MLKL: variants seen among roughly 807,000 people sequenced by gnomAD.
MLKL encodes mixed lineage kinase domain like pseudokinase.
MLKL carries 55 observed loss-of-function variants against 56.5 expected under a neutral mutation model. The observed-to-expected ratio is 0.97, with a 90% CI of 0.78 to 1.22. MLKL has a LOEUF of 1.22. MLKL is among the 50% of genes most tolerant of loss of function. MLKL has a pLI of 0.00. For synonymous variants in MLKL, 251 were observed against 208.3 expected (o/e 1.20, Z -1.76); for missense variants, 694 against 573.9 (o/e 1.21, Z -2.14).
intron 1 of MLKL, among the ~76,000 whole-genome samples, chr16:74,697,338 C>A (rs992481442): frequency 3.2e-4 from 48 of 152,178 alleles, no homozygotes; most frequent in African/African-American, 1.1e-3. Context: ...GAAGTGTACC[C>A]CATCCCCTAA....
chr16:74,693,841 G>T (rs549477679), intron 2 of MLKL, among the ~76,000 whole-genome samples: 65 of 152,152 alleles, frequency 4.3e-4, no homozygotes, highest in African/African-American at 1.5e-3. Context: ...CTGACCTCAT[G>T]ATCCGCCCGC....
chr16:74,675,859 G>A, intron 7 of MLKL, 95 bp from the exon 8 acceptor site: 2 of 1,315,204 alleles, frequency 1.5e-6, no homozygotes, highest in Non-Finnish European at 2.1e-6. Flanking sequence ...CCAGGGAATT[G>A]TCTTTTACCT....
At chr16:74,685,420 C>T in intron 5 of MLKL, 66 bp downstream of exon 5, 3 of 1,166,822 alleles carry the variant, frequency 2.6e-6, no homozygotes, top group South Asian at 1.3e-5. Context: ...AAATGCAACA[C>T]ATTAAAACAC....
Position 74,682,630 on chromosome 16 carries a change from C to T in MLKL, c.956+21G>A, listed in dbSNP as rs370178120. 467 of 1,612,720 alleles carry T rather than the reference C, an allele frequency of 2.9e-4. 7 individuals are homozygous for T. The South Asian group carries it at 3.9e-3, about 14-fold the overall frequency. On this transcript the variant is annotated intron_variant, in intron 6 of 10. Transcript: ENST00000308807. ...GACAGACCCATCCAACCCTTAGTGGCGCCTTTTCACCCCGTCTTACCGGTA... is the reference window on the plus strand; with the variant it reads ...GACAGACCCATCCAACCCTTAGTGGTGCCTTTTCACCCCGTCTTACCGGTA...
At chr16:74,673,665 A>ATG (rs1959380821) in intron 10 of MLKL, among the ~76,000 whole-genome samples, 1 of 152,106 alleles carries the variant, frequency 6.6e-6, no homozygotes, top group Non-Finnish European at 1.5e-5. Flanking sequence ...TGCATCGAGG[A>ATG]AATAATCCCA....
chr16:74,676,231 G>A (rs887950552), intron 7 of MLKL: 39 of 991,908 alleles, frequency 3.9e-5, no homozygotes, highest in Non-Finnish European at 4.3e-5. Context: ...CTGACTTTAT[G>A]GGGGGTCAGC....
At chr16:74,692,087 T>A (rs1960713205) in intron 3 of MLKL, among the ~76,000 whole-genome samples, 1 of 152,362 alleles carries the variant, frequency 6.6e-6, no homozygotes, top group Middle Eastern at 3.4e-3. Context: ...AAGCTTTGAT[T>A]CTATTCATAG....
At position 74,693,453 on chromosome 16, in the gene MLKL, C is replaced by CAA. The variant is rs71158538; in HGVS notation, c.461-1039_461-1038dup. 2.2e-3 allele frequency among the ~76,000 whole-genome samples: 77 copies of CAA among 35,374 alleles called. No individual in the cohort carries two copies. The Middle Eastern group carries it at 0.032, about 15-fold the overall frequency. 23.2% of individuals were successfully genotyped at this position (35,374 alleles called of 152,430 possible). A position where few individuals can be genotyped will look rare whatever the true frequency, so the allele number is the denominator to read the frequency against. On this transcript the variant is annotated intron_variant, in intron 2 of 10. Transcript: ENST00000308807. Reference sequence around the variant, plus strand: ...ACTGCACTCCAGCAAGACTCTGTCTCAAAAAAAAAAAAAAAGAAAAGAAAA... The same window carrying CAA: ...ACTGCACTCCAGCAAGACTCTGTCTCAAAAAAAAAAAAAAAAAGAAAAGAAAA...
At chr16:74,697,007 A>G (rs1360815741) in intron 1 of MLKL, among the ~76,000 whole-genome samples, 1 of 139,998 alleles carries the variant, frequency 7.1e-6, no homozygotes, top group Non-Finnish European at 1.5e-5. Context: ...ACATATATAT[A>G]ATATTACATA....
chr16:74,678,805 A>T (rs1959763549), intron 7 of MLKL, 94 bp downstream of exon 7: 1 of 884,932 alleles, frequency 1.1e-6, no homozygotes, highest in Non-Finnish European at 1.8e-6. Flanking sequence ...AAATAAACTA[A>T]GACAAGAATC....
intron 6 of MLKL, among the ~76,000 whole-genome samples, chr16:74,679,742 G>C (rs1015032329): frequency 3.3e-5 from 5 of 152,098 alleles, no homozygotes; most frequent in African/African-American, 1.2e-4. Context: ...TTGCACCCAG[G>C]AGGTGGAGTT....
In MLKL at chr16:74,679,066, T is replaced by C. The variant is rs1486638194; in HGVS notation, c.957-86A>G. Reference sequence around the variant, plus strand: ...ACAATCATAACTGGGCTGATGAGGCTGGACAGTACCATGGGTGCCTGTCCA... The same window carrying C: ...ACAATCATAACTGGGCTGATGAGGCCGGACAGTACCATGGGTGCCTGTCCA... On this transcript the variant is annotated intron_variant, in intron 6 of 10. Transcript: ENST00000308807. The C allele has an allele frequency of 7.5e-6, 8 of 1,061,230 alleles. No homozygotes were observed. In the East Asian group the frequency reaches 1.9e-4, roughly 25 times the overall value. The allele number at this position is 1,061,230 out of a possible 1,614,324, so 65.7% of individuals were successfully genotyped here.
rs755182311 is a variant in MLKL, at chr16:74,692,428, A to T, written c.461-12T>A. The T allele has an allele frequency of 5.6e-6, 9 of 1,608,678 alleles. No homozygotes were observed. Among genetic ancestry groups the T allele is most frequent in the Non-Finnish European group, 7.6e-6 (9 of 1,176,556 alleles). On this transcript the variant is annotated splice_polypyrimidine_tract_variant and intron_variant, in intron 2 of 10. Transcript: ENST00000308807. ...TATTTTTTCATTATCTGCAGGAAAA[A>T]AGGGCAGTATATGCTCAAAATAGAT... is the stretch of plus-strand genomic sequence containing the variant.
chr16:74,680,311 T>C (rs745751458), intron 6 of MLKL, among the ~76,000 whole-genome samples: 1 of 152,130 alleles, frequency 6.6e-6, no homozygotes. Context: ...CTCACTAGTT[T>C]AGGGAGTTGA....
intron 6 of MLKL, among the ~76,000 whole-genome samples, chr16:74,682,097 A>T (rs571989661): frequency 3.5e-5 from 5 of 141,212 alleles, no homozygotes; most frequent in South Asian, 2.1e-4. Context: ...AATATATATA[A>T]AAAAAAAACT....
In MLKL at chr16:74,695,652, G is replaced by T. The variant is rs749125563; in HGVS notation, c.106C>A (p.Leu36Ile). 3.1e-6 allele frequency: 5 copies of T among 1,614,164 alleles called. No individual in the cohort carries two copies. In the South Asian group the frequency reaches 5.5e-5, roughly 18 times the overall value. ...ATCTCCAGAGGCTTGATCAGGCCGA[G>T]GACGCGGTGGCCCAGGCGCCGGCAC... ...KQCRRLGHRV[L>I]GLIKPLEMLQ... The change falls in exon 2 of 11, where the codon CTC becomes ATC. Residue 36 changes from leucine to isoleucine, a missense_variant. Leu to Ile is a conservative substitution (Grantham distance 5). Transcript: ENST00000308807.
rs780125542 is a variant in MLKL, at chr16:74,692,339, T to C, written c.535+3A>G. Reference sequence around the variant, plus strand: ...AGAAACAGCAGGGCACATGATAACTTACACTGCCTCAAAGTTTCCTTGATT... The same window carrying C: ...AGAAACAGCAGGGCACATGATAACTCACACTGCCTCAAAGTTTCCTTGATT... On this transcript the variant is annotated splice_donor_region_variant and intron_variant, in intron 3 of 10. Coordinates refer to ENST00000308807, the MANE Select transcript of MLKL (RefSeq NM_152649.4). 3 of 1,613,162 alleles carry C rather than the reference T, an allele frequency of 1.9e-6. No homozygotes were observed. The South Asian group carries it at 3.3e-5, about 18-fold the overall frequency.
chr16:74,686,266 G>C (rs903150422), intron 4 of MLKL, among the ~76,000 whole-genome samples: 1 of 152,010 alleles, frequency 6.6e-6, no homozygotes, highest in African/African-American at 2.4e-5. Flanking sequence ...CCAGCCCGTG[G>C]TGTGTGTCTT....
At chr16:74,693,791 G>C (rs925399490) in intron 2 of MLKL, among the ~76,000 whole-genome samples, 1 of 152,044 alleles carries the variant, frequency 6.6e-6, no homozygotes, top group Non-Finnish European at 1.5e-5. Flanking sequence ...TTTCAGTAGA[G>C]ACGGGGTTTC....
Sources: allele counts gnomAD v4.1 joint callset (sites outside exome capture counted in the v4.1 genomes callset), GRCh38; gene constraint gnomAD v4.1.1; transcripts MANE v1.5; gene names NCBI Gene and HGNC (gene_info 2026-07-23, HGNC 2026-07-21).